Variants in SEM1 observed in about 807,000 individuals in gnomAD.
The protein encoded by SEM1 is 26S proteasome complex subunit SEM1.
SEM1 carries 3 observed loss-of-function variants against 12.7 expected under a neutral mutation model. The ratio of observed to expected loss-of-function variants is 0.24; its 90% CI spans 0.11 to 0.61. The LOEUF (loss-of-function observed/expected upper bound fraction) is 0.61. SEM1 is among the 20% of genes least tolerant of loss of function. The probability of loss-of-function intolerance (pLI) is 0.88; values close to 1 mark genes in which losing one functional copy is unlikely to be tolerated. For synonymous variants in SEM1, 30 were observed against 27.8 expected (o/e 1.08, Z -0.25); for missense variants, 59 against 81.3 (o/e 0.73, Z 1.06).
intron 2 of SEM1, among the ~76,000 whole-genome samples, chr7:96,530,429 A>T (rs930502667): frequency 6.6e-6 from 1 of 152,098 alleles, no homozygotes; most frequent in Non-Finnish European, 1.5e-5. Context: ...GTCCAGGAAA[A>T]CAGAGTGAGT....
downstream of SEM1, among the ~76,000 whole-genome samples, chr7:96,684,881 A>T (rs1483313179): frequency 6.6e-6 from 1 of 152,128 alleles, no homozygotes; most frequent in Non-Finnish European, 1.5e-5. Flanking sequence ...GACACTGGTG[A>T]GATTACTAAA....
intron 2 of SEM1, among the ~76,000 whole-genome samples, chr7:96,592,999 TAAAA>T (rs1554421689): frequency 1.6e-4 from 20 of 128,082 alleles, no homozygotes; most frequent in Non-Finnish European, 2.6e-4. Context: ...TCTCCCATAT[TAAAA>T]AAAAAAAAAA....
At chr7:96,672,264 T>C (rs1406649215), downstream of SEM1, among the ~76,000 whole-genome samples, 1 of 152,146 alleles carries the variant, frequency 6.6e-6, no homozygotes, top group Non-Finnish European at 1.5e-5. Flanking sequence ...TGCCCCAAGG[T>C]CACTGCTGGC....
At chr7:96,505,224 C>G (rs953848413) in intron 3 of SEM1, among the ~76,000 whole-genome samples, 1 of 151,992 alleles carries the variant, frequency 6.6e-6, no homozygotes, top group Non-Finnish European at 1.5e-5. Flanking sequence ...GCCTCAGCCT[C>G]CCAAGTAGCT....
chr7:96,633,905 T>A (rs1182795169), intron 2 of SEM1, among the ~76,000 whole-genome samples: 5 of 152,100 alleles, frequency 3.3e-5, no homozygotes, highest in Non-Finnish European at 5.9e-5. Context: ...TAGTTGAAGA[T>A]CTGCTAAAAC....
chr7:96,515,172 C>T (rs370673384), intron 2 of SEM1, among the ~76,000 whole-genome samples: 2 of 152,036 alleles, frequency 1.3e-5, no homozygotes, highest in African/African-American at 4.8e-5. Flanking sequence ...GGTGCCAGAA[C>T]AACCGGATAT....
intron 2 of SEM1, among the ~76,000 whole-genome samples, chr7:96,511,724 G>C (rs1803940417): frequency 6.6e-6 from 1 of 152,080 alleles, no homozygotes; most frequent in South Asian, 2.1e-4. Flanking sequence ...AAAATTGATG[G>C]TAGCATGAAG....
At chr7:96,625,207 C>T (rs13233151) in intron 2 of SEM1, among the ~76,000 whole-genome samples, 91,473 of 151,946 alleles carry the variant, frequency 0.6, 29,250 homozygotes, top group East Asian at 0.83. Context: ...TCCTCCCACA[C>T]CTCAGGGTGC....
At chr7:96,657,995 C>T (rs879693018) in intron 2 of SEM1, among the ~76,000 whole-genome samples, 4 of 152,162 alleles carry the variant, frequency 2.6e-5, no homozygotes, top group Non-Finnish European at 5.9e-5. Flanking sequence ...TCCTCATGAA[C>T]GAGTCCAGGG....
intron 2 of SEM1, among the ~76,000 whole-genome samples, chr7:96,693,759 C>CG (rs1424383112): frequency 3.7e-3 from 399 of 108,682 alleles, no homozygotes; most frequent in African/African-American, 7.5e-3. Flanking sequence ...AACAATTCCA[C>CG]TTGTGTGTGT....
intron 2 of SEM1, among the ~76,000 whole-genome samples, chr7:96,509,507 C>A (rs1248257557): frequency 2.0e-5 from 3 of 152,104 alleles, no homozygotes; most frequent in Non-Finnish European, 4.4e-5. Context: ...GAAGAACAAA[C>A]TCTACAGCTT....
At chr7:96,573,300 T>G (rs1806101266) in intron 2 of SEM1, among the ~76,000 whole-genome samples, 1 of 152,214 alleles carries the variant, frequency 6.6e-6, no homozygotes, top group Admixed American at 6.5e-5. Context: ...AGGTTAATAT[T>G]GTTAAGTGTG....
chr7:96,667,873 C>T lies in SEM1; in HGVS notation c.170+26925G>A, dbSNP rs373775526. On this transcript the variant is annotated intron_variant, in intron 2 of 2. Coordinates refer to the SEM1 transcript ENST00000417009. ...ATGACCTGGTTAAAATTTCCCATCT[C>T]CTCTTCCTGTTTGTGTAACACCAAT... Among the ~76,000 whole-genome samples the T allele has an allele frequency of 1.9e-4, 29 of 152,316 alleles. No homozygotes were observed. In the East Asian group the frequency reaches 5.4e-3, roughly 28 times the overall value.
chr7:96,678,382 AG>A (rs1447197540), intron 2 of SEM1, among the ~76,000 whole-genome samples: 3 of 152,194 alleles, frequency 2.0e-5, no homozygotes, highest in Non-Finnish European at 4.4e-5. Context: ...CAGAAAACTT[AG>A]GAAAAATGTT....
intron 2 of SEM1, among the ~76,000 whole-genome samples, chr7:96,578,805 G>T (rs1445906693): frequency 2.0e-5 from 3 of 152,196 alleles, no homozygotes; most frequent in African/African-American, 7.2e-5. Flanking sequence ...GCCAGAGCCA[G>T]ACCCTTTGCT....
chr7:96,630,307 T>G (rs969513834), intron 2 of SEM1, among the ~76,000 whole-genome samples: 15 of 152,096 alleles, frequency 9.9e-5, no homozygotes, highest in African/African-American at 3.4e-4. Context: ...TACGTGGTAT[T>G]CTAGTGTGCT....
chr7:96,641,114 T>C (rs894860807), intron 2 of SEM1, among the ~76,000 whole-genome samples: 4 of 151,660 alleles, frequency 2.6e-5, no homozygotes, highest in Non-Finnish European at 5.9e-5. Context: ...TTAGGTAGTA[T>C]TTTTTCTTTC....
chr7:96,574,177 C>T (rs1326145781), intron 2 of SEM1, among the ~76,000 whole-genome samples: 1 of 152,024 alleles, frequency 6.6e-6, no homozygotes, highest in Non-Finnish European at 1.5e-5. Context: ...TGAGTGAGAA[C>T]ATGTGGTGTT....
downstream of SEM1, among the ~76,000 whole-genome samples, chr7:96,670,452 T>A (rs1307615221): frequency 2.0e-5 from 3 of 152,128 alleles, no homozygotes; most frequent in Non-Finnish European, 4.4e-5. Context: ...TGATAGCATA[T>A]GTGATTAAGT....
Sources: gnomAD v4.1 joint callset for allele counts (sites outside exome capture counted in the v4.1 genomes callset) on GRCh38, gnomAD v4.1.1 for gene constraint, MANE v1.5 for transcripts, NCBI Gene and HGNC (gene_info 2026-07-23, HGNC 2026-07-21) for gene names.